Variants in WDR59 observed in about 807,000 individuals in gnomAD.
The protein encoded by WDR59 is WD repeat domain 59.
In WDR59, 100 loss-of-function variants were observed where a neutral mutation model predicts 131.2. The ratio of observed to expected loss-of-function variants is 0.76; its 90% CI spans 0.65 to 0.90. WDR59 has a LOEUF of 0.90. Among genes scored for constraint, WDR59 ranks in the 40% least tolerant of loss-of-function variants. WDR59 has a pLI of 0.00. For synonymous variants in WDR59, 601 were observed against 466.2 expected, an observed-to-expected ratio of 1.29 and a Z score of -3.72; for missense variants, 1,203 against 1,262.2, an observed-to-expected ratio of 0.95 and a Z score of 0.71.
chr16:74,977,158 AC>A (rs1284264126), intron 1 of WDR59, among the ~76,000 whole-genome samples: 1 of 152,024 alleles, frequency 6.6e-6, no homozygotes, highest in African/African-American at 2.4e-5. Context: ...ATCATTTGAG[AC>A]CAGGAGTTCA....
chr16:74,897,927 G>A (rs756698368), intron 18 of WDR59, among the ~76,000 whole-genome samples: 8 of 152,138 alleles, frequency 5.3e-5, no homozygotes, highest in East Asian at 3.8e-4. Context: ...CTAATTTAAC[G>A]AGGCTGTCTA....
intron 9 of WDR59, among the ~76,000 whole-genome samples, chr16:74,922,573 C>G (rs908257495): frequency 2.0e-5 from 3 of 152,240 alleles, no homozygotes; most frequent in Non-Finnish European, 2.9e-5. Flanking sequence ...CCCGCCCCCC[C>G]GGCACTGCAA....
chr16:74,925,852 G>C (rs2030735480), intron 8 of WDR59, among the ~76,000 whole-genome samples: 1 of 151,970 alleles, frequency 6.6e-6, no homozygotes, highest in Non-Finnish European at 1.5e-5. Context: ...AACAAAGCAA[G>C]ACCCTGTCTC....
In WDR59 at chr16:74,949,733, T is replaced by A; in HGVS notation, c.392A>T (p.Tyr131Phe). The A allele has an allele frequency of 6.2e-7, 1 of 1,613,820 alleles. No individual in the cohort carries two copies. The highest frequency in any genetic ancestry group is 8.5e-7 in the Non-Finnish European group (1 of 1,179,872). ...TTGTTCTTACTTGATATCCCAAATG[T>A]AGATGTAGGTGTCCACAGAGCTGGT... Reference protein sequence around the residue: ...LVTSSVDTYIYIWDIKDTRKP... With the variant: ...LVTSSVDTYIFIWDIKDTRKP... Residue 131 changes from tyrosine to phenylalanine, a missense_variant, in exon 5 of 26, where the codon TAC (tyrosine) becomes TTC (phenylalanine). Physicochemically the swap from Tyr to Phe is conservative, Grantham distance 22 (BLOSUM62 3). Transcript: ENST00000262144.
rs117989894 is a variant in WDR59, at chr16:74,972,956, G to A, written c.55-7134C>T. ...TTCTATTCAAATTAGATATTGGCCA[G>A]GCACGGTCGCTCACGCCTGTAATCC... On this transcript the variant is annotated intron_variant, in intron 1 of 25. Coordinates refer to ENST00000262144, the MANE Select transcript of WDR59 (RefSeq NM_030581.4). Among the ~76,000 whole-genome samples the A allele has an allele frequency of 3.0e-3, 455 of 151,996 alleles. 15 individuals are homozygous for A. In the East Asian group the frequency reaches 0.079, roughly 26 times the overall value.
chr16:74,977,604 C>T (rs1174310783), intron 1 of WDR59, among the ~76,000 whole-genome samples: 4 of 152,122 alleles, frequency 2.6e-5, no homozygotes, highest in African/African-American at 7.2e-5. Context: ...AGGAGAATGG[C>T]GTGAACCCGG....
At chr16:74,906,900 G>A (rs1020538338) in intron 17 of WDR59, among the ~76,000 whole-genome samples, 1 of 152,214 alleles carries the variant, frequency 6.6e-6, no homozygotes, top group African/African-American at 2.4e-5. Context: ...ATCTTGATAT[G>A]AGTGTTGGTC....
chr16:74,981,925 G>T (rs2034446628), intron 1 of WDR59, among the ~76,000 whole-genome samples: 1 of 129,088 alleles, frequency 7.7e-6, no homozygotes, highest in African/African-American at 2.9e-5. Flanking sequence ...CAAAGTGGTG[G>T]GATTACAGGC....
chr16:74,925,591 G>A (rs1322797268), intron 8 of WDR59, among the ~76,000 whole-genome samples: 1 of 150,800 alleles, frequency 6.6e-6, no homozygotes, highest in Admixed American at 6.6e-5. Context: ...TTATAGTGAT[G>A]GGGAACAGAC....
chr16:74,908,635 AG>A (rs1039879288), intron 17 of WDR59: 1 of 354,184 alleles, frequency 2.8e-6, no homozygotes, highest in Non-Finnish European at 5.0e-6. Flanking sequence ...TGCTAGCAAT[AG>A]GGGAAAGGCA....
intron 18 of WDR59, among the ~76,000 whole-genome samples, chr16:74,897,626 A>C (rs1037205919): frequency 7.2e-5 from 11 of 152,206 alleles, no homozygotes; most frequent in Non-Finnish European, 1.3e-4. Flanking sequence ...AACCTCACTC[A>C]GCTGCCTTTA....
chr16:74,945,852 C>G (rs964079828), intron 6 of WDR59, among the ~76,000 whole-genome samples: 5 of 138,824 alleles, frequency 3.6e-5, no homozygotes, highest in African/African-American at 8.1e-5. Flanking sequence ...GAGTTTTGCT[C>G]TTGTTGCCCA....
intron 14 of WDR59, among the ~76,000 whole-genome samples, chr16:74,911,501 T>A (rs553604962): frequency 6.6e-6 from 1 of 152,182 alleles, no homozygotes; most frequent in African/African-American, 2.4e-5. Context: ...TGAACGGGTA[T>A]GAAGAGGCTC....
At chr16:74,967,238 C>T (rs1490416673) in intron 1 of WDR59, among the ~76,000 whole-genome samples, 1 of 152,156 alleles carries the variant, frequency 6.6e-6, no homozygotes, top group African/African-American at 2.4e-5. Context: ...GATTAACATG[C>T]ATCCTTCAGT....
chr16:74,874,379 C>T lies in WDR59; in HGVS notation c.2755G>A (p.Gly919Ser), dbSNP rs777086809. ...VRGTQCAICK[G>S]FTFQCAICHV... ...CAGATGGCACACTGGAACGTGAAGC[C>T]TTTGCAGATGGCACACTGCGTGCCA... Residue 919 changes from glycine (G) to serine (S), a missense_variant, in exon 26 of 26, where the codon GGC (glycine) becomes AGC (serine). Transcript: ENST00000262144. 1.2e-6 allele frequency: 2 copies of T among 1,614,138 alleles called. No homozygotes were observed. The highest frequency in any genetic ancestry group is 4.5e-5 in the East Asian group (2 of 44,876).
chr16:74,919,883 G>A (rs879896051), intron 10 of WDR59, among the ~76,000 whole-genome samples: 1 of 151,956 alleles, frequency 6.6e-6, no homozygotes, highest in Non-Finnish European at 1.5e-5. Flanking sequence ...TACCAGCCTG[G>A]GCAACATGGT....
At chr16:74,956,390 T>C in intron 3 of WDR59, 85 bp downstream of exon 3, 1 of 1,507,996 alleles carries the variant, frequency 6.6e-7, no homozygotes, top group Non-Finnish European at 8.9e-7. Context: ...GAGGACTGCA[T>C]TCTCTTCTCT....
At chr16:74,981,651 TATA>T (rs1567450928) in intron 1 of WDR59, among the ~76,000 whole-genome samples, 67 of 5,988 alleles carry the variant, frequency 0.011, 1 homozygote, top group Admixed American at 0.031. Flanking sequence ...TATATATATA[TATA>T]TATATATTTT....
chr16:74,938,002 A>T (rs546509850), intron 8 of WDR59, 148 bp downstream of exon 8: 38 of 535,804 alleles, frequency 7.1e-5, no homozygotes, highest in African/African-American at 6.2e-4. Flanking sequence ...AGCATAACCA[A>T]ATTTATGTGT....
Sources: allele counts gnomAD v4.1 joint callset (sites outside exome capture counted in the v4.1 genomes callset), GRCh38; gene constraint gnomAD v4.1.1; transcripts MANE v1.5; gene names NCBI Gene and HGNC (gene_info 2026-07-23, HGNC 2026-07-21).